The following PARP8 variants were observed in gnomAD, a reference collection of about 807,000 sequenced individuals.
PARP8 encodes poly(ADP-ribose) polymerase family member 8.
In PARP8, 51 loss-of-function variants were observed where a neutral mutation model predicts 124.1. The observed-to-expected ratio is 0.41, with a 90% CI of 0.33 to 0.52. The LOEUF (loss-of-function observed/expected upper bound fraction) is 0.52, where lower values mean the gene tolerates loss of function less well. Among genes scored for constraint, PARP8 ranks in the 20% least tolerant of loss-of-function variants. The pLI, the probability that PARP8 is intolerant of heterozygous loss-of-function variation, is 0.21. For synonymous variants in PARP8, 391 were observed against 361.5 expected (o/e 1.08, Z -0.93); for missense variants, 860 against 1,018.9 (o/e 0.84, Z 2.12).
At chr5:50,813,382 G>A (rs1744703545) in intron 14 of PARP8, among the ~76,000 whole-genome samples, 1 of 132,118 alleles carries the variant, frequency 7.6e-6, no homozygotes, top group South Asian at 2.3e-4. Context: ...CTCATGATTT[G>A]GCTCTCTGTT....
intron 2 of PARP8, among the ~76,000 whole-genome samples, chr5:50,723,628 T>G (rs1247972921): frequency 6.6e-6 from 1 of 152,036 alleles, no homozygotes; most frequent in African/African-American, 2.4e-5. Context: ...AACCTCTTTT[T>G]ACAATTAGAG....
At chr5:50,755,150 A>G (rs1445044334) in intron 3 of PARP8, among the ~76,000 whole-genome samples, 2 of 152,086 alleles carry the variant, frequency 1.3e-5, no homozygotes, top group Admixed American at 6.5e-5. Context: ...CTCTGATGGT[A>G]GTTTCTTTTG....
At chr5:50,690,504 G>C (rs1195502305) in intron 2 of PARP8, among the ~76,000 whole-genome samples, 1 of 152,014 alleles carries the variant, frequency 6.6e-6, no homozygotes, top group Non-Finnish European at 1.5e-5. Flanking sequence ...CCTTTTTTGA[G>C]GACTTTGGTG....
chr5:50,792,767 G>A lies in PARP8; in HGVS notation c.738-1440G>A, dbSNP rs1180006554. ...ATTTGGAATCATGGCATCACTTATT[G>A]AAGTTTTATTCCCCTTTTCTCACCA... is the stretch of plus-strand genomic sequence containing the variant. On this transcript the variant is annotated intron_variant, in intron 10 of 25. Coordinates refer to ENST00000281631, the MANE Select transcript of PARP8 (RefSeq NM_024615.4). 2.0e-5 allele frequency among the ~76,000 whole-genome samples: 3 copies of A among 152,120 alleles called. No homozygotes were observed. The East Asian group carries it at 5.8e-4, about 29-fold the overall frequency.
chr5:50,787,407 G>A (rs550906993), intron 9 of PARP8, among the ~76,000 whole-genome samples: 1 of 151,886 alleles, frequency 6.6e-6, no homozygotes, highest in East Asian at 1.9e-4. Context: ...TTCTCTTCAG[G>A]GGCTTTGCCT....
intron 2 of PARP8, chr5:50,744,601 T>G (rs1357528306): frequency 3.7e-6 from 2 of 545,456 alleles, no homozygotes; most frequent in African/African-American, 3.8e-5. Context: ...TTAAGAACCA[T>G]GCATCACACT....
intron 25 of PARP8, among the ~76,000 whole-genome samples, chr5:50,835,313 C>T (rs751095816): frequency 6.6e-6 from 1 of 152,134 alleles, no homozygotes; most frequent in Non-Finnish European, 1.5e-5. Context: ...GAAGCCGAGG[C>T]GGGTGGATCA....
chr5:50,840,092 T>C (rs1435896031), intron 25 of PARP8, among the ~76,000 whole-genome samples: 1 of 151,940 alleles, frequency 6.6e-6, no homozygotes, highest in Non-Finnish European at 1.5e-5. Flanking sequence ...TATAACAACA[T>C]TCTAGGTCAG....
intron 10 of PARP8, among the ~76,000 whole-genome samples, chr5:50,791,888 G>C (rs537269846): frequency 2.6e-5 from 4 of 152,224 alleles, no homozygotes; most frequent in Non-Finnish European, 5.9e-5. Context: ...TAAAATACTT[G>C]AAATTCAAAT....
chr5:50,796,901 A>T, intron 12 of PARP8, 81 bp from the exon 13 acceptor site: 1 of 1,192,868 alleles, frequency 8.4e-7, no homozygotes, highest in Non-Finnish European at 1.2e-6. Flanking sequence ...CGTATTCACT[A>T]TTGCAAAGAG....
intron 2 of PARP8, among the ~76,000 whole-genome samples, chr5:50,713,068 T>C (rs1360284877): frequency 1.3e-5 from 2 of 152,170 alleles, no homozygotes; most frequent in East Asian, 3.9e-4. Flanking sequence ...AGATATTTGC[T>C]GTGTTATTAG....
intron 9 of PARP8, among the ~76,000 whole-genome samples, chr5:50,780,321 G>T (rs1469436491): frequency 6.6e-6 from 1 of 152,076 alleles, no homozygotes; most frequent in East Asian, 1.9e-4. Context: ...ATACTAATTT[G>T]ATTTTATTTT....
intron 2 of PARP8, chr5:50,742,001 G>C (rs1329026555): frequency 6.2e-6 from 2 of 324,464 alleles, no homozygotes; most frequent in Non-Finnish European, 1.2e-5. Context: ...GTAGAGACAG[G>C]GTTTTGCCAT....
chr5:50,826,801 A>C lies in PARP8; in HGVS notation c.1975A>C (p.Arg659=). 1.3e-6 allele frequency: 2 copies of C among 1,579,290 alleles called. No individual in the cohort carries two copies. Among genetic ancestry groups the C allele is most frequent in the Non-Finnish European group, 1.7e-6 (2 of 1,170,630 alleles). ...RSHIVKLPVN[R]QLKFMHTPHQ... ...ACATATTGTGAAACTGCCAGTTAACAGGGTAAGTTGTTTTTTTTTTTTTTA... is the reference window on the plus strand; with the variant it reads ...ACATATTGTGAAACTGCCAGTTAACCGGGTAAGTTGTTTTTTTTTTTTTTA... Residue 659 remains arginine, a splice_region_variant and synonymous_variant, in exon 19 of 26, where the codon AGG becomes CGG. Coordinates refer to ENST00000281631, the MANE Select transcript of PARP8 (RefSeq NM_024615.4).
intron 17 of PARP8, 96 bp from the exon 18 acceptor site, chr5:50,824,812 C>G: frequency 1.1e-6 from 1 of 897,708 alleles, no homozygotes; most frequent in Non-Finnish European, 1.8e-6. Context: ...TTAAGTCTTA[C>G]TAGATTAGGC....
intron 14 of PARP8, among the ~76,000 whole-genome samples, chr5:50,804,013 GC>G (rs1386573255): frequency 3.3e-5 from 5 of 152,052 alleles, no homozygotes; most frequent in African/African-American, 1.2e-4. Context: ...GAGATTTAAG[GC>G]CTTCTAAAGT....
intron 2 of PARP8, among the ~76,000 whole-genome samples, chr5:50,744,538 A>T (rs1758350085): frequency 6.6e-6 from 1 of 152,228 alleles, no homozygotes; most frequent in East Asian, 1.9e-4. Context: ...TTGTTAGAAA[A>T]TTATTGAGGT....
At chr5:50,752,296 T>G (rs1037582999) in intron 3 of PARP8, among the ~76,000 whole-genome samples, 1 of 152,080 alleles carries the variant, frequency 6.6e-6, no homozygotes, top group East Asian at 1.9e-4. Context: ...AGACCTTAAG[T>G]TGCTGAATGA....
intron 15 of PARP8, among the ~76,000 whole-genome samples, chr5:50,818,411 G>C (rs1229356230): frequency 6.6e-6 from 1 of 152,016 alleles, no homozygotes; most frequent in Non-Finnish European, 1.5e-5. Flanking sequence ...GTATTTTTTT[G>C]TGGAGACAGG....
Sources: gnomAD v4.1 joint callset for allele counts (sites outside exome capture counted in the v4.1 genomes callset) on GRCh38, gnomAD v4.1.1 for gene constraint, MANE v1.5 for transcripts, NCBI Gene and HGNC (gene_info 2026-07-23, HGNC 2026-07-21) for gene names.